BCL11A: variants seen among roughly 807,000 people sequenced by gnomAD.
BCL11A encodes the protein BCL11 transcription factor A.
In BCL11A, 2 loss-of-function variants were observed where a neutral mutation model predicts 55.9. The observed-to-expected ratio is 0.04, with a 90% confidence interval of 0.01 to 0.11. BCL11A has a LOEUF of 0.11. BCL11A is among the 10% of genes least tolerant of loss of function. BCL11A has a pLI of 1.00. For synonymous variants in BCL11A, 465 were observed against 473.4 expected, an observed-to-expected ratio of 0.98 and a Z score of 0.23; for missense variants, 817 against 1,137.1, an observed-to-expected ratio of 0.72 and a Z score of 4.05.
intron 3 of BCL11A, among the ~76,000 whole-genome samples, chr2:60,464,583 T>C (rs745978589): frequency 4.2e-4 from 64 of 152,234 alleles, no homozygotes; most frequent in Admixed American, 7.8e-4. Context: ...TGCCTTAAAA[T>C]TATATTTTAC....
At chr2:60,510,210 C>A (rs919276731) in intron 2 of BCL11A, among the ~76,000 whole-genome samples, 5 of 152,198 alleles carry the variant, frequency 3.3e-5, no homozygotes, top group African/African-American at 4.8e-5. Context: ...CCTCCAGTGG[C>A]TTCCATCTCC....
Position 60,461,301 on chromosome 2 carries a change from G to T in BCL11A, c.1611C>A (p.Gly537=). Residue 537 remains glycine (G), a synonymous_variant, in exon 4 of 4, where the codon GGC becomes GGA. Transcript: ENST00000642384. The part of the protein sequence containing the change: ...NSSRGAVVGV[G]DESRALPDVM... Reference sequence around the variant, plus strand: ...CGTCGGGCAGGGCGCGGCTCTCGTCGCCCACGCCCACGACCGCGCCCCGCG... The same window carrying T: ...CGTCGGGCAGGGCGCGGCTCTCGTCTCCCACGCCCACGACCGCGCCCCGCG... 6.3e-7 allele frequency: 1 copy of T among 1,594,546 alleles called. No individual in the cohort carries two copies. The highest frequency in any genetic ancestry group is 8.5e-7 in the Non-Finnish European group (1 of 1,175,670).
At chr2:60,490,228 A>G (rs527714845) in intron 2 of BCL11A, among the ~76,000 whole-genome samples, 2 of 152,320 alleles carry the variant, frequency 1.3e-5, no homozygotes, top group African/African-American at 4.8e-5. Flanking sequence ...CATGAAGGGT[A>G]TAACAGAGAA....
chr2:60,491,737 G>A (rs1678651855), intron 2 of BCL11A, among the ~76,000 whole-genome samples: 1 of 151,854 alleles, frequency 6.6e-6, no homozygotes, highest in Admixed American at 6.6e-5. Context: ...TCCAGGCTGG[G>A]CTGACTGCCC....
intron 2 of BCL11A, among the ~76,000 whole-genome samples, chr2:60,517,583 C>T (rs548823811): frequency 1.3e-5 from 2 of 152,352 alleles, no homozygotes; most frequent in South Asian, 2.1e-4. Flanking sequence ...CCGATAAAAG[C>T]GTGGGTGCAA....
At chr2:60,450,524 C>T (rs1209378027), downstream of BCL11A, 1 of 152,194 alleles carries the variant, frequency 6.6e-6, no homozygotes, top group Non-Finnish European at 1.5e-5. Context: ...TCAGTTCTGG[C>T]CTCCCTTTGG....
intron 2 of BCL11A, among the ~76,000 whole-genome samples, chr2:60,500,897 T>G (rs758741130): frequency 5.9e-5 from 9 of 152,214 alleles, no homozygotes; most frequent in Non-Finnish European, 1.3e-4. Flanking sequence ...TGACATTGTA[T>G]GGCCAACCTG....
At chr2:60,491,607 G>A (rs1192975432) in intron 2 of BCL11A, among the ~76,000 whole-genome samples, 1 of 151,336 alleles carries the variant, frequency 6.6e-6, no homozygotes, top group Non-Finnish European at 1.5e-5. Context: ...GGAGGCAGAA[G>A]ATGCAGTGAG....
chr2:60,520,857 G>A (rs539102318), intron 2 of BCL11A, among the ~76,000 whole-genome samples: 3 of 152,104 alleles, frequency 2.0e-5, no homozygotes, highest in South Asian at 4.2e-4. Context: ...GGTTCCCACC[G>A]GTGTTTTCGT....
intron 2 of BCL11A, chr2:60,528,361 C>T (rs1669300463): frequency 6.6e-6 from 1 of 152,520 alleles, no homozygotes; most frequent in South Asian, 2.1e-4. Flanking sequence ...GTAAAACCTC[C>T]TCCCTCTGTT....
At chr2:60,463,409 A>C (rs1258608536) in intron 3 of BCL11A, among the ~76,000 whole-genome samples, 1 of 152,258 alleles carries the variant, frequency 6.6e-6, no homozygotes, top group African/African-American at 2.4e-5. Context: ...AGAGGCTAAC[A>C]ACGTGAACCA....
Position 60,459,605 on chromosome 2 carries a change from C to A in BCL11A, c.*799G>T. ...CTAGTTCCTAAGGTTTATTACCTCA[C>A]CCAATGCTGAATTAAGCTACAAGTT... On this transcript the variant is annotated 3_prime_UTR_variant, in exon 4 of 4. Transcript: ENST00000642384. The A allele has an allele frequency of 9.7e-7, 1 of 1,029,384 alleles. No homozygotes were observed. Among genetic ancestry groups the A allele is most frequent in the Non-Finnish European group, 1.2e-6 (1 of 856,124 alleles). 63.8% of individuals were successfully genotyped at this position (1,029,384 alleles called of 1,614,324 possible). A position where few individuals can be genotyped will look rare whatever the true frequency, so the allele number is the denominator to read the frequency against.
intron 2 of BCL11A, among the ~76,000 whole-genome samples, chr2:60,470,114 T>A (rs141215589): frequency 6.6e-5 from 10 of 152,206 alleles, no homozygotes; most frequent in African/African-American, 2.2e-4. Context: ...TGGGTAACGA[T>A]GGTGTGCTGC....
intron 2 of BCL11A, among the ~76,000 whole-genome samples, chr2:60,498,843 T>C (rs945389435): frequency 3.3e-5 from 5 of 151,924 alleles, no homozygotes; most frequent in African/African-American, 1.2e-4. Context: ...AATATGTATG[T>C]ACCTTATACA....
intron 2 of BCL11A, among the ~76,000 whole-genome samples, chr2:60,486,075 C>T (rs1360512721): frequency 6.6e-6 from 1 of 152,188 alleles, no homozygotes; most frequent in Non-Finnish European, 1.5e-5. Context: ...AATCTCCAAG[C>T]CCCTTGTTCT....
chr2:60,510,001 C>T (rs926474906), intron 2 of BCL11A, among the ~76,000 whole-genome samples: 48 of 152,190 alleles, frequency 3.2e-4, no homozygotes, highest in African/African-American at 1.0e-3. Flanking sequence ...CCCATCCCAC[C>T]AGTCAGCAAA....
At chr2:60,497,127 T>A (rs747949790) in intron 2 of BCL11A, among the ~76,000 whole-genome samples, 2 of 152,230 alleles carry the variant, frequency 1.3e-5, no homozygotes, top group African/African-American at 4.8e-5. Flanking sequence ...TTAGCTAGCA[T>A]CCCCTAAGCT....
In BCL11A at chr2:60,469,482, A is replaced by T. The variant is rs192089044; in HGVS notation, c.386-649T>A. Among the ~76,000 whole-genome samples, 703 of 152,326 alleles carry T rather than the reference A, an allele frequency of 4.6e-3. 2 individuals carry two copies. The highest frequency in any genetic ancestry group is 5.4e-3 in the Non-Finnish European group (364 of 68,028). ...CCTTACACAGATGTGGCTTCTCACA[A>T]TACAAAGCAATGGAAGATAAAGATT... is the stretch of plus-strand genomic sequence containing the variant. On this transcript the variant is annotated intron_variant, in intron 2 of 3. Transcript: ENST00000642384.
chr2:60,502,379 G>A (rs1274532245), intron 2 of BCL11A, among the ~76,000 whole-genome samples: 1 of 152,136 alleles, frequency 6.6e-6, no homozygotes, highest in African/African-American at 2.4e-5. Context: ...ATAAACCATC[G>A]GAAAAAGTCT....
Sources: gnomAD v4.1 joint callset for allele counts (sites outside exome capture counted in the v4.1 genomes callset) on GRCh38, gnomAD v4.1.1 for gene constraint, MANE v1.5 for transcripts, NCBI Gene and HGNC (gene_info 2026-07-23, HGNC 2026-07-21) for gene names.